PLEKHA7: variants seen among roughly 807,000 people sequenced by gnomAD.
PLEKHA7 encodes the protein pleckstrin homology domain containing A7, also known as pleckstrin homology domain-containing family A member 7.
PLEKHA7 carries 104 observed loss-of-function variants against 170.0 expected under a neutral mutation model. The ratio of observed to expected loss-of-function variants is 0.61; its 90% confidence interval spans 0.52 to 0.72. PLEKHA7 has a LOEUF of 0.72. Among genes scored for constraint, PLEKHA7 ranks in the 30% least tolerant of loss-of-function variants. The pLI, the probability that PLEKHA7 is intolerant of heterozygous loss-of-function variation, is 0.00. For synonymous variants in PLEKHA7, 648 were observed against 660.8 expected (o/e 0.98, Z 0.30); for missense variants, 1,615 against 1,671.7 (o/e 0.97, Z 0.59).
At chr11:16,849,627 A>G (rs747661525) in intron 8 of PLEKHA7, among the ~76,000 whole-genome samples, 3 of 152,238 alleles carry the variant, frequency 2.0e-5, no homozygotes, top group Non-Finnish European at 4.4e-5. Flanking sequence ...GGAGCCCTAT[A>G]AGAAAACTGA....
intron 10 of PLEKHA7, among the ~76,000 whole-genome samples, chr11:16,822,982 ATTATTTATTTAT>A (rs147244386): frequency 1.3e-5 from 2 of 149,906 alleles, no homozygotes; most frequent in African/African-American, 2.5e-5. Flanking sequence ...GTATGTATGT[ATTATTTATTTAT>A]TTATTTATTT....
At chr11:16,884,072 T>C (rs913223389) in intron 3 of PLEKHA7, among the ~76,000 whole-genome samples, 6 of 125,412 alleles carry the variant, frequency 4.8e-5, no homozygotes, top group African/African-American at 1.5e-4. Flanking sequence ...TTACTTTACA[T>C]ATATATCTTG....
chr11:17,007,371 G>A (rs11605426), intron 3 of PLEKHA7, among the ~76,000 whole-genome samples: 48,316 of 151,872 alleles, frequency 0.32, 8,226 homozygotes, highest in Middle Eastern at 0.42. Context: ...TGCCTAGGCT[G>A]GAGTGCAATG....
chr11:16,979,562 T>C (rs1863289807), intron 3 of PLEKHA7, among the ~76,000 whole-genome samples: 1 of 152,178 alleles, frequency 6.6e-6, no homozygotes, highest in Admixed American at 6.6e-5. Flanking sequence ...GCATAAACCA[T>C]ACATCACCAT....
intron 3 of PLEKHA7, among the ~76,000 whole-genome samples, chr11:17,012,286 T>C (rs1865363463): frequency 7.0e-6 from 1 of 142,400 alleles, no homozygotes; most frequent in African/African-American, 3.1e-5. Flanking sequence ...GGCATTTACC[T>C]TTCTCCTACC....
intron 13 of PLEKHA7, among the ~76,000 whole-genome samples, chr11:16,811,518 T>C (rs149884867): frequency 2.2e-3 from 328 of 152,202 alleles, no homozygotes; most frequent in African/African-American, 7.6e-3. Context: ...TCTCTCTCCA[T>C]AGGCATGGTG....
intron 3 of PLEKHA7, among the ~76,000 whole-genome samples, chr11:16,942,553 G>A (rs1389861078): frequency 6.6e-6 from 1 of 152,232 alleles, no homozygotes; most frequent in African/African-American, 2.4e-5. Flanking sequence ...GCCCTGCTGT[G>A]TGAGTTCCCA....
intron 3 of PLEKHA7, among the ~76,000 whole-genome samples, chr11:16,935,221 G>C (rs558650195): frequency 6.6e-6 from 1 of 152,104 alleles, no homozygotes; most frequent in Admixed American, 6.5e-5. Flanking sequence ...GATCAACTGA[G>C]GTCAGAAGTT....
At chr11:16,943,267 T>C (rs1860807754) in intron 3 of PLEKHA7, among the ~76,000 whole-genome samples, 1 of 152,208 alleles carries the variant, frequency 6.6e-6, no homozygotes, top group African/African-American at 2.4e-5. Flanking sequence ...ACTTTTTTTT[T>C]TTCTAGTATT....
intron 3 of PLEKHA7, among the ~76,000 whole-genome samples, chr11:16,906,300 G>GCGC (rs1857684786): frequency 2.4e-5 from 2 of 82,798 alleles, no homozygotes; most frequent in Non-Finnish European, 4.8e-5. Context: ...AATTGGAAAG[G>GCGC]CTCCTCCTCT....
chr11:16,940,279 CTG>C (rs1860592893), intron 3 of PLEKHA7, among the ~76,000 whole-genome samples: 1 of 129,670 alleles, frequency 7.7e-6, no homozygotes. Context: ...TTTTCTTCTG[CTG>C]TTTTTTTTTT....
rs1488966940 is a variant in PLEKHA7, at chr11:16,791,584, C to G, written c.2746-385G>C. On this transcript the variant is annotated intron_variant, in intron 19 of 26. Coordinates refer to ENST00000531066, the MANE Select transcript of PLEKHA7 (RefSeq NM_001329630.2). This position sits in a 1 kb window ranked among gnomAD's most constrained non-coding sequence, Gnocchi z 4.5. ...ACTTCCATGCTTATCACAGCACCAC[C>G]TACCTGGAGAGTAACATCTACCCAC... 2.1e-6 allele frequency: 1 copy of G among 475,684 alleles called. No individual in the cohort carries two copies. The highest frequency in any genetic ancestry group is 2.3e-5 in the Admixed American group (1 of 43,074). 29.5% of individuals were successfully genotyped at this position (475,684 alleles called of 1,614,324 possible). A position where few individuals can be genotyped will look rare whatever the true frequency, so the allele number is the denominator to read the frequency against.
intron 3 of PLEKHA7, among the ~76,000 whole-genome samples, chr11:16,915,804 A>G (rs1858619102): frequency 6.7e-6 from 1 of 148,956 alleles, no homozygotes; most frequent in Admixed American, 6.7e-5. Context: ...GCTATTGTGA[A>G]TAATGCCGCA....
chr11:16,913,230 G>A (rs1030342418), intron 3 of PLEKHA7, among the ~76,000 whole-genome samples: 2 of 152,042 alleles, frequency 1.3e-5, no homozygotes, highest in African/African-American at 2.4e-5. Context: ...ATTAGTCCCT[G>A]CTCCAGCCAC....
intron 4 of PLEKHA7, among the ~76,000 whole-genome samples, chr11:16,862,489 C>A (rs539067473): frequency 6.6e-6 from 1 of 152,278 alleles, no homozygotes; most frequent in South Asian, 2.1e-4. Context: ...TGAGCACATC[C>A]AAGACTAGCA....
chr11:16,832,176 T>C (rs1011061440), intron 9 of PLEKHA7, among the ~76,000 whole-genome samples: 6 of 152,212 alleles, frequency 3.9e-5, no homozygotes, highest in African/African-American at 9.6e-5. Context: ...ACGTCCCTGA[T>C]TGCATCACAG....
chr11:16,851,456 AT>A (rs34271973), intron 7 of PLEKHA7, among the ~76,000 whole-genome samples, 165 bp from the exon 8 acceptor site: 4 of 150,498 alleles, frequency 2.7e-5, no homozygotes, highest in African/African-American at 7.3e-5. Context: ...TTATTTATTT[AT>A]TTTTTTTTTG....
intron 3 of PLEKHA7, among the ~76,000 whole-genome samples, chr11:16,944,178 A>C (rs937137310): frequency 2.6e-5 from 4 of 152,070 alleles, no homozygotes; most frequent in Non-Finnish European, 5.9e-5. Context: ...ACATGGTGAT[A>C]CCCTGTCTCT....
chr11:16,832,813 T>C (rs946991922), intron 9 of PLEKHA7, among the ~76,000 whole-genome samples: 2 of 152,008 alleles, frequency 1.3e-5, no homozygotes, highest in African/African-American at 4.8e-5. Context: ...TCTTGGAGAG[T>C]TGGATCTGAG....
Sources: gnomAD v4.1 joint callset for allele counts (sites outside exome capture counted in the v4.1 genomes callset) on GRCh38, gnomAD v4.1.1 for gene constraint, Gnocchi (gnomAD v3.1) non-coding constraint, MANE v1.5 for transcripts, NCBI Gene and HGNC (gene_info 2026-07-23, HGNC 2026-07-21) for gene names.